Variants in MSRA observed in about 807,000 individuals in gnomAD.
The protein encoded by MSRA is methionine sulfoxide reductase A.
A neutral mutation model predicts 31.3 loss-of-function variants in MSRA; 54 were observed. The ratio of observed to expected loss-of-function variants is 1.73; its 90% CI spans 1.39 to 2.17. The LOEUF is 2.17. Ranked by LOEUF, MSRA falls within the 30% of genes most tolerant of loss-of-function variation. The probability of loss-of-function intolerance (pLI) is 0.00; values close to 1 mark genes in which losing one functional copy is unlikely to be tolerated. For synonymous variants in MSRA, 169 were observed against 116.5 expected (o/e 1.45, Z -2.90); for missense variants, 507 against 300.9 (o/e 1.69, Z -5.07).
intron 2 of MSRA, among the ~76,000 whole-genome samples, chr8:10,231,962 A>C (rs1488747924): frequency 6.6e-6 from 1 of 152,180 alleles, no homozygotes; most frequent in African/African-American, 2.4e-5. Context: ...TGAAGTGTAT[A>C]CTTTACAGCA....
intron 1 of MSRA, among the ~76,000 whole-genome samples, chr8:10,126,233 A>T (rs1398239549): frequency 6.6e-6 from 1 of 152,236 alleles, no homozygotes; most frequent in Non-Finnish European, 1.5e-5. Flanking sequence ...AAAGAAGATG[A>T]TGGGCAAAAT....
chr8:10,194,265 C>G (rs886833142), intron 1 of MSRA, among the ~76,000 whole-genome samples: 2 of 152,174 alleles, frequency 1.3e-5, no homozygotes, highest in Admixed American at 6.5e-5. Context: ...CCTTCCCCCC[C>G]TTAAAAAGAA....
chr8:10,169,590 C>G (rs1166658825), intron 1 of MSRA, among the ~76,000 whole-genome samples: 1 of 152,024 alleles, frequency 6.6e-6, no homozygotes, highest in Admixed American at 6.6e-5. Context: ...ACACAAAAAC[C>G]AGAAGCCATA....
At chr8:10,194,050 G>C (rs555625128) in intron 1 of MSRA, among the ~76,000 whole-genome samples, 2 of 151,172 alleles carry the variant, frequency 1.3e-5, no homozygotes, top group Admixed American at 1.3e-4. Flanking sequence ...AAGAGAGAGA[G>C]TAACAGAAAG....
intron 1 of MSRA, among the ~76,000 whole-genome samples, chr8:10,174,734 C>T (rs911498223): frequency 6.6e-6 from 1 of 152,162 alleles, no homozygotes; most frequent in African/African-American, 2.4e-5. Context: ...ATCTCTGTCA[C>T]CTCCGGCTCA....
chr8:10,407,381 C>T (rs1301588952), intron 5 of MSRA, among the ~76,000 whole-genome samples: 1 of 152,230 alleles, frequency 6.6e-6, no homozygotes, highest in East Asian at 1.9e-4. Context: ...GCAGTCCAGA[C>T]AAAGGTGGGT....
chr8:10,163,953 T>A (rs1258104379), intron 1 of MSRA, among the ~76,000 whole-genome samples: 2 of 152,248 alleles, frequency 1.3e-5, no homozygotes, highest in African/African-American at 4.8e-5. Context: ...CTCCATATTC[T>A]GAGTCCACAA....
At chr8:10,284,390 C>A (rs182013174) in intron 3 of MSRA, among the ~76,000 whole-genome samples, 3 of 152,164 alleles carry the variant, frequency 2.0e-5, no homozygotes, top group African/African-American at 7.2e-5. Context: ...ACTGGGGTTT[C>A]ACCATGTTAG....
chr8:10,129,439 G>T (rs143742342), intron 1 of MSRA, among the ~76,000 whole-genome samples: 1 of 152,272 alleles, frequency 6.6e-6, no homozygotes, highest in East Asian at 1.9e-4. Flanking sequence ...GTGATGAGGT[G>T]AAATAATTTC....
At chr8:10,348,357 CTTTTTTTTTTTTT>C (rs34083972) in intron 5 of MSRA, among the ~76,000 whole-genome samples, 7 of 64,272 alleles carry the variant, frequency 1.1e-4, no homozygotes, top group East Asian at 1.2e-3. Flanking sequence ...AAATTATTGC[CTTTTTTTTTTTTT>C]TTTTTTTTTT....
chr8:10,102,035 T>C (rs1399423898), intron 1 of MSRA, among the ~76,000 whole-genome samples: 1 of 152,228 alleles, frequency 6.6e-6, no homozygotes, highest in Non-Finnish European at 1.5e-5. Context: ...AGCTAAGATG[T>C]CCTTTTTCTC....
At chr8:10,099,552 T>C (rs1799399864) in intron 1 of MSRA, among the ~76,000 whole-genome samples, 1 of 152,230 alleles carries the variant, frequency 6.6e-6, no homozygotes, top group South Asian at 2.1e-4. Flanking sequence ...GGCCACTTAA[T>C]AAGTATTCAT....
intron 2 of MSRA, among the ~76,000 whole-genome samples, chr8:10,214,296 G>T (rs1809785276): frequency 6.6e-6 from 1 of 152,092 alleles, no homozygotes; most frequent in Non-Finnish European, 1.5e-5. Flanking sequence ...CCCTCTCTGG[G>T]GTACTCACCT....
chr8:10,337,644 C>T, intron 5 of MSRA: 1 of 687,336 alleles, frequency 1.5e-6, no homozygotes, highest in Non-Finnish European at 2.6e-6. Flanking sequence ...GTCACATTTT[C>T]CTTGATAGTG....
chr8:10,096,196 C>A (rs1479235457), intron 1 of MSRA: 1 of 1,252,332 alleles, frequency 8.0e-7, no homozygotes, highest in Non-Finnish European at 1.0e-6. Context: ...CTTAAAGCAA[C>A]AGCTTTTATT....
intron 1 of MSRA, among the ~76,000 whole-genome samples, chr8:10,152,439 C>T (rs11986122): frequency 4.6e-5 from 7 of 151,370 alleles, no homozygotes; most frequent in African/African-American, 1.7e-4. Context: ...TTGTTTGTGT[C>T]CTGGGCAGGA....
intron 3 of MSRA, among the ~76,000 whole-genome samples, chr8:10,269,366 G>A (rs1157138164): frequency 6.6e-6 from 1 of 152,194 alleles, no homozygotes; most frequent in East Asian, 1.9e-4. Flanking sequence ...ACTTATAGCA[G>A]AATCAGAAAT....
chr8:10,262,995 G>A (rs1476562077), intron 3 of MSRA, among the ~76,000 whole-genome samples: 2 of 152,178 alleles, frequency 1.3e-5, no homozygotes, highest in Non-Finnish European at 2.9e-5. Flanking sequence ...TGCAAGTTCT[G>A]TTACCTGACT....
chr8:10,057,980 G>A (rs755628899), intron 1 of MSRA, among the ~76,000 whole-genome samples: 3 of 152,232 alleles, frequency 2.0e-5, no homozygotes, highest in African/African-American at 7.2e-5. Context: ...CTGTGTTTGG[G>A]AATGAATCTT....
Sources: gnomAD v4.1 joint callset for allele counts (sites outside exome capture counted in the v4.1 genomes callset) on GRCh38, gnomAD v4.1.1 for gene constraint, MANE v1.5 for transcripts, NCBI Gene and HGNC (gene_info 2026-07-23, HGNC 2026-07-21) for gene names.